ABCB10: variants seen among roughly 807,000 people sequenced by gnomAD.
ABCB10 encodes ATP-binding cassette sub-family B member 10, mitochondrial.
In ABCB10, 54 loss-of-function variants were observed where a neutral mutation model predicts 65.4. The ratio of observed to expected loss-of-function variants is 0.83; its 90% CI spans 0.66 to 1.04. The LOEUF is 1.04. Ranked by LOEUF, ABCB10 falls within the 50% of genes least tolerant of loss-of-function variation. The pLI, the probability that ABCB10 is intolerant of heterozygous loss-of-function variation, is 0.00. For missense variants in ABCB10, 846 were observed against 976.6 expected, an observed-to-expected ratio of 0.87 and a Z score of 1.78; for synonymous variants, 418 against 406.5, an observed-to-expected ratio of 1.03 and a Z score of -0.34.
At chr1:229,534,280 G>A (rs1311245793) in intron 6 of ABCB10, among the ~76,000 whole-genome samples, 2 of 152,214 alleles carry the variant, frequency 1.3e-5, no homozygotes, top group Admixed American at 6.5e-5. Context: ...ACTAAATGCT[G>A]GGGTGGATGT....
In ABCB10 at chr1:229,550,871, AAAAAG is replaced by A. The variant is rs952754513; in HGVS notation, c.518-1442_518-1438del. 3.9e-5 allele frequency among the ~76,000 whole-genome samples: 6 copies of A among 152,084 alleles called. 1 individual carries two copies. The highest frequency in any genetic ancestry group is 4.8e-5 in the African/African-American group (2 of 41,420). ...AGAGCAAGACTCTGTCTCAAAAAAA[AAAAAG>A]AAAAGAAAAGAAAATCCAATTAGTA... On this transcript the variant is annotated intron_variant, in intron 1 of 12. Coordinates refer to ENST00000344517, the MANE Select transcript of ABCB10 (RefSeq NM_012089.3).
intron 6 of ABCB10, chr1:229,535,062 A>C (rs988307491): frequency 2.0e-5 from 3 of 150,000 alleles, no homozygotes; most frequent in Middle Eastern, 3.4e-3. Context: ...AAAAAAAAAA[A>C]AAAAAACCTT....
intron 10 of ABCB10, among the ~76,000 whole-genome samples, chr1:229,523,836 C>G (rs1254711626): frequency 1.3e-5 from 2 of 152,112 alleles, no homozygotes; most frequent in African/African-American, 4.8e-5. Context: ...ATAATTTCAC[C>G]ACGAGCAGTT....
chr1:229,545,645 TAA>T (rs1296251124), intron 3 of ABCB10, among the ~76,000 whole-genome samples: 1 of 152,224 alleles, frequency 6.6e-6, no homozygotes, highest in Non-Finnish European at 1.5e-5. Flanking sequence ...TTATAAAATC[TAA>T]ATATAGATCA....
intron 6 of ABCB10, 139 bp downstream of exon 6, chr1:229,539,317 C>G: frequency 3.8e-6 from 5 of 1,303,724 alleles, no homozygotes; most frequent in Non-Finnish European, 5.4e-6. Flanking sequence ...TCTTTAAAAG[C>G]CCAGTTGGAA....
In ABCB10 at chr1:229,540,705, C is replaced by T; in HGVS notation, c.1104G>A (p.Gly368=). The T allele has an allele frequency of 6.2e-7, 1 of 1,613,704 alleles. No homozygotes were observed. The highest frequency in any genetic ancestry group is 8.5e-7 in the Non-Finnish European group (1 of 1,180,010). The change falls in exon 5 of 13, where the codon GGG becomes GGA. Residue 368 remains glycine (G), a synonymous_variant. Coordinates refer to ENST00000344517, the MANE Select transcript of ABCB10 (RefSeq NM_012089.3). ...ATTTCTCGATTTCAGTCATTTCTTT[C>T]CCAAAAGCTCGAACAGTTCTTACAT... ...IGNVRTVRAF[G]KEMTEIEKYA...
At chr1:229,527,392 C>A in intron 8 of ABCB10, 84 bp from the exon 9 acceptor site, 2 of 1,217,400 alleles carry the variant, frequency 1.6e-6, no homozygotes, top group Non-Finnish European at 2.4e-6. Flanking sequence ...TGGGAAAATT[C>A]CAGACTCATT....
chr1:229,551,741 G>A (rs1663122648), intron 1 of ABCB10, among the ~76,000 whole-genome samples: 1 of 152,236 alleles, frequency 6.6e-6, no homozygotes, highest in African/African-American at 2.4e-5. Flanking sequence ...CCAAAGGACA[G>A]GGAGTGTGTC....
At chr1:229,542,956 C>T (rs545607386) in intron 3 of ABCB10, among the ~76,000 whole-genome samples, 1 of 152,004 alleles carries the variant, frequency 6.6e-6, no homozygotes, top group East Asian at 1.9e-4. Flanking sequence ...CGTGGTGAAA[C>T]CCCATCTCTA....
At chr1:229,524,486 A>C (rs1338382103) in intron 10 of ABCB10, among the ~76,000 whole-genome samples, 1 of 152,186 alleles carries the variant, frequency 6.6e-6, no homozygotes, top group Non-Finnish European at 1.5e-5. Flanking sequence ...CTTGCAAGGA[A>C]ACATTTCAAT....
chr1:229,553,745 T>A (rs1663172781), intron 1 of ABCB10, among the ~76,000 whole-genome samples: 1 of 151,322 alleles, frequency 6.6e-6, no homozygotes, highest in Non-Finnish European at 1.5e-5. Flanking sequence ...GAACCGGCCC[T>A]CCTAGGTTAG....
At chr1:229,557,218 C>T (rs974945329) in intron 1 of ABCB10, among the ~76,000 whole-genome samples, 1 of 135,392 alleles carries the variant, frequency 7.4e-6, no homozygotes, top group Admixed American at 7.2e-5. Context: ...TGGTGTTGCA[C>T]CTGACAACCT....
At chr1:229,554,333 C>G (rs1456838791) in intron 1 of ABCB10, among the ~76,000 whole-genome samples, 1 of 152,152 alleles carries the variant, frequency 6.6e-6, no homozygotes, top group Non-Finnish European at 1.5e-5. Flanking sequence ...TCTGAGCCCC[C>G]ATGTGTCTGG....
Position 229,558,616 on chromosome 1 carries a change from CG to C in ABCB10, c.36del (p.Glu13SerfsTer14). On this transcript the variant is annotated frameshift_variant, in exon 1 of 13. Transcript: ENST00000344517. LOFTEE classifies it high-confidence loss of function. ...CCTGGCTCGGCAGGGCTCGGTGGCT[CG>C]AGCAGCCGCAGCGGCCAGGCAGGGG... is the stretch of plus-strand genomic sequence containing the variant. ...RGPPAWPLRL[L>X]EPPSPAEPGR... 1 of 1,417,438 alleles carries C rather than the reference CG, an allele frequency of 7.1e-7. No homozygotes were observed. The highest frequency in any genetic ancestry group is 9.2e-7 in the Non-Finnish European group (1 of 1,086,244). The allele number at this position is 1,417,438 out of a possible 1,614,324, so 87.8% of individuals were successfully genotyped here.
At chr1:229,521,999 T>G (rs1256172551) in intron 10 of ABCB10, among the ~76,000 whole-genome samples, 1 of 151,660 alleles carries the variant, frequency 6.6e-6, no homozygotes, top group Non-Finnish European at 1.5e-5. Context: ...CCCAAGTAGC[T>G]GAGACTACAG....
At chr1:229,554,013 C>T (rs748802807) in intron 1 of ABCB10, among the ~76,000 whole-genome samples, 4 of 152,200 alleles carry the variant, frequency 2.6e-5, no homozygotes, top group African/African-American at 4.8e-5. Flanking sequence ...CTGGCCAAGG[C>T]CAAGAGGTTC....
chr1:229,520,088 T>C (rs570881464), intron 11 of ABCB10, among the ~76,000 whole-genome samples: 2 of 152,066 alleles, frequency 1.3e-5, no homozygotes, highest in Non-Finnish European at 2.9e-5. Context: ...TGAGCCATGA[T>C]CACACCACTG....
chr1:229,531,817 T>C (rs1401653951), intron 6 of ABCB10, 86 bp from the exon 7 acceptor site: 4 of 1,028,394 alleles, frequency 3.9e-6, no homozygotes, highest in Non-Finnish European at 5.7e-6. Flanking sequence ...TGACAATGAT[T>C]GCTTTTAATA....
chr1:229,554,866 C>A (rs987894632), intron 1 of ABCB10, among the ~76,000 whole-genome samples: 3 of 152,200 alleles, frequency 2.0e-5, no homozygotes, highest in African/African-American at 7.2e-5. Context: ...GCCCACCATA[C>A]CCACTGCTTT....
Sources: gnomAD v4.1 joint callset for allele counts (sites outside exome capture counted in the v4.1 genomes callset) on GRCh38, gnomAD v4.1.1 for gene constraint, MANE v1.5 for transcripts, NCBI Gene and HGNC (gene_info 2026-07-23, HGNC 2026-07-21) for gene names.